The following TMEM231 variants were observed in gnomAD, a reference collection of about 807,000 sequenced individuals.
The protein encoded by TMEM231 is transmembrane protein 231.
In TMEM231, 40 loss-of-function variants were observed where a neutral mutation model predicts 38.5. That is an observed-to-expected ratio of 1.04 (90% CI 0.81 to 1.35). TMEM231 has a LOEUF of 1.35. TMEM231 is among the 40% of genes most tolerant of loss of function. The pLI is 0.00. For missense variants in TMEM231, 420 were observed against 416.9 expected (o/e 1.01, Z -0.07); for synonymous variants, 199 against 181.7 (o/e 1.10, Z -0.77).
At chr16:75,541,592 G>C (rs150923236) in intron 5 of TMEM231, 137 bp from the exon 6 acceptor site, 385 of 511,646 alleles carry the variant, frequency 7.5e-4, no homozygotes, top group African/African-American at 6.2e-3. Flanking sequence ...AAGAGAAATT[G>C]CATGTGCAAA....
rs954324357 is a variant in TMEM231 at position 75,539,836 on chromosome 16, G to A, written c.*158C>T. On this transcript the variant is annotated 3_prime_UTR_variant, in exon 7 of 7. Coordinates refer to ENST00000258173, the MANE Select transcript of TMEM231 (RefSeq NM_001077418.3). ...ATTCTGCAGGAGCTCTGAAGATACG[G>A]AACTGTGTAGAGCAAAACCGGAAAG... is the stretch of plus-strand genomic sequence containing the variant. 1.4e-5 allele frequency: 8 copies of A among 573,926 alleles called. No homozygotes were observed. The highest frequency in any genetic ancestry group is 2.4e-5 in the Non-Finnish European group (8 of 337,110). The allele number at this position is 573,926 out of a possible 1,614,324, so 35.6% of individuals were successfully genotyped here.
At chr16:75,542,236 G>GA (rs56324472) in intron 5 of TMEM231, among the ~76,000 whole-genome samples, 1 of 151,616 alleles carries the variant, frequency 6.6e-6, no homozygotes, top group South Asian at 2.1e-4. Flanking sequence ...GTTTTTCTCT[G>GA]AAAAGCATGA....
Position 75,538,603 on chromosome 16 carries a change from C to T in TMEM231, c.*1391G>A, listed in dbSNP as rs746018219. 1 of 151,986 alleles carries T rather than the reference C, an allele frequency of 6.6e-6. No individual in the cohort carries two copies. Among genetic ancestry groups the T allele is most frequent in the African/African-American group, 2.4e-5 (1 of 41,356 alleles). 9.4% of individuals were successfully genotyped at this position (151,986 alleles called of 1,614,324 possible). ...TGTTTCCAAAACTGTTTTAGTAAGC[C>T]TAAAGGAGCACTAAAAACGACAACT... On this transcript the variant is annotated 3_prime_UTR_variant, in exon 7 of 7. Coordinates refer to ENST00000258173, the MANE Select transcript of TMEM231 (RefSeq NM_001077418.3).
At chr16:75,540,944 G>A (rs78279300) in intron 6 of TMEM231, among the ~76,000 whole-genome samples, 5 of 152,088 alleles carry the variant, frequency 3.3e-5, no homozygotes, top group African/African-American at 9.7e-5. Context: ...AACCTCCCAC[G>A]TCTGTTACTA....
chr16:75,536,909 G>C lies in TMEM231; in HGVS notation c.*3085C>G, dbSNP rs2080565630. On this transcript the variant is annotated 3_prime_UTR_variant, in exon 7 of 7. Coordinates refer to ENST00000258173, the MANE Select transcript of TMEM231 (RefSeq NM_001077418.3). The stretch of plus-strand genomic sequence containing the variant: ...GGCCAAAGCGGATGGATCACTTGAG[G>C]TCAGGAGTTCGAGACCAGCCTGACC... The C allele has an allele frequency of 6.6e-6, 1 of 152,176 alleles. No individual in the cohort carries two copies. The highest frequency in any genetic ancestry group is 1.5e-5 in the Non-Finnish European group (1 of 68,048). The allele number at this position is 152,176 out of a possible 1,614,324, so 9.4% of individuals were successfully genotyped here. A position where few individuals can be genotyped will look rare whatever the true frequency, so the allele number is the denominator to read the frequency against.
chr16:75,549,480 C>T (rs370741585), intron 2 of TMEM231, among the ~76,000 whole-genome samples: 278 of 152,232 alleles, frequency 1.8e-3, no homozygotes, highest in African/African-American at 6.2e-3. Flanking sequence ...TACTCTCATG[C>T]CCTGTATATG....
Position 75,556,233 on chromosome 16 carries a change from C to T in TMEM231, c.-24G>A. 1 of 1,381,938 alleles carries T rather than the reference C, an allele frequency of 7.2e-7. No individual in the cohort carries two copies. Among genetic ancestry groups the T allele is most frequent in the Admixed American group, 3.5e-5 (1 of 28,434 alleles). 85.6% of individuals were successfully genotyped at this position (1,381,938 alleles called of 1,614,324 possible). On this transcript the variant is annotated 5_prime_UTR_variant, in exon 1 of 7. Transcript: ENST00000258173. ...ATGAGCACCGCTCGCAGGCACTCCG[C>T]GAGCCGGGGGACCAAGTTTGGCTTC...
At chr16:75,546,774 A>G (rs975985020) in intron 2 of TMEM231, among the ~76,000 whole-genome samples, 3 of 152,218 alleles carry the variant, frequency 2.0e-5, no homozygotes, top group Admixed American at 6.5e-5. Flanking sequence ...TTCTGAAACC[A>G]CGAGTGTCTT....
At chr16:75,547,534 G>C (rs1237586747) in intron 2 of TMEM231, among the ~76,000 whole-genome samples, 1 of 152,074 alleles carries the variant, frequency 6.6e-6, no homozygotes, top group Non-Finnish European at 1.5e-5. Context: ...ATTATAGGTA[G>C]GATGAAAAGA....
chr16:75,553,621 C>CAAAAAAAAA (rs60225459), intron 2 of TMEM231, among the ~76,000 whole-genome samples: 2 of 91,614 alleles, frequency 2.2e-5, no homozygotes, highest in Non-Finnish European at 4.8e-5. Flanking sequence ...AACTCTGTTG[C>CAAAAAAAAA]AAAAAAAAAA....
intron 2 of TMEM231, among the ~76,000 whole-genome samples, chr16:75,546,469 G>C (rs565745074): frequency 6.6e-6 from 1 of 151,784 alleles, no homozygotes; most frequent in Non-Finnish European, 1.5e-5. Flanking sequence ...TTGAGCCGGG[G>C]TCTAACTCTA....
intron 4 of TMEM231, among the ~76,000 whole-genome samples, chr16:75,542,923 A>G (rs1406801610): frequency 6.6e-6 from 1 of 152,110 alleles, no homozygotes; most frequent in Non-Finnish European, 1.5e-5. Flanking sequence ...TCTTCTCTTC[A>G]AAGATGAATA....
chr16:75,540,841 G>C (rs2080617934), intron 6 of TMEM231, among the ~76,000 whole-genome samples: 1 of 152,280 alleles, frequency 6.6e-6, no homozygotes, highest in East Asian at 1.9e-4. Context: ...ATGAATAGCA[G>C]ACATACAGTC....
At chr16:75,544,946 T>TTCTTC (rs9319487) in intron 4 of TMEM231, among the ~76,000 whole-genome samples, 17,430 of 109,602 alleles carry the variant, frequency 0.16, 1,702 homozygotes, top group East Asian at 0.32. Flanking sequence ...TTCTTTTCTT[T>TTCTTC]TTCTTTTTTT....
rs775968168 is a variant in TMEM231 at position 75,555,844 on chromosome 16, T to C, written c.269A>G (p.Asn90Ser). 1.2e-5 allele frequency: 19 copies of C among 1,579,616 alleles called. No individual in the cohort carries two copies. The highest frequency in any genetic ancestry group is 8.1e-5 in the African/African-American group (6 of 74,062). Residue 90 changes from asparagine (N) to serine (S), a missense_variant, in exon 2 of 7, where the codon AAC becomes AGC. Coordinates refer to ENST00000258173, the MANE Select transcript of TMEM231 (RefSeq NM_001077418.3). Reference protein sequence around the residue: ...FLAWSTFPAFNRLQGDRLRVP... With the variant: ...FLAWSTFPAFSRLQGDRLRVP... ...GCGCAGGCGATCCCCTTGCAGCCGG[T>C]TGAAGGCGGGGAACGTGCTCCAGGC... is the stretch of plus-strand genomic sequence containing the variant.
At chr16:75,555,749 C>T in intron 2 of TMEM231, 55 bp downstream of exon 2, 1 of 1,444,180 alleles carries the variant, frequency 6.9e-7, no homozygotes, top group Non-Finnish European at 9.1e-7. Context: ...TCATTCCAGT[C>T]CCCATCCCCA....
At chr16:75,546,075 C>T in intron 2 of TMEM231, 121 bp from the exon 3 acceptor site, 1 of 1,548,508 alleles carries the variant, frequency 6.5e-7, no homozygotes, top group Non-Finnish European at 8.7e-7. Flanking sequence ...ATTATCTCCT[C>T]CACTAAAAGA....
chr16:75,546,039 C>A (rs1331145251), intron 2 of TMEM231, 85 bp from the exon 3 acceptor site: 2 of 1,559,076 alleles, frequency 1.3e-6, no homozygotes, highest in Non-Finnish European at 8.7e-7. Context: ...ACACAATGAC[C>A]CACTGTCTTG....
intron 2 of TMEM231, among the ~76,000 whole-genome samples, chr16:75,550,095 A>T (rs2080740451): frequency 6.6e-6 from 1 of 152,220 alleles, no homozygotes; most frequent in South Asian, 2.1e-4. Context: ...CAACACAGAG[A>T]TAGTAGCTGC....
Sources: gnomAD v4.1 joint callset for allele counts (sites outside exome capture counted in the v4.1 genomes callset) on GRCh38, gnomAD v4.1.1 for gene constraint, MANE v1.5 for transcripts, NCBI Gene and HGNC (gene_info 2026-07-23, HGNC 2026-07-21) for gene names.